DNAI3: variants seen among roughly 807,000 people sequenced by gnomAD.
DNAI3 encodes the protein WD repeat domain 63.
In DNAI3, 83 loss-of-function variants were observed where a neutral mutation model predicts 115.5. The ratio of observed to expected loss-of-function variants is 0.72; its 90% CI spans 0.60 to 0.86. The LOEUF is 0.86. Ranked by LOEUF, DNAI3 falls within the 40% of genes least tolerant of loss-of-function variation. DNAI3 has a pLI of 0.00. For missense variants in DNAI3, 1,004 were observed against 1,075.8 expected (o/e 0.93, Z 0.93); for synonymous variants, 320 against 347.0 (o/e 0.92, Z 0.86).
rs1485049001 is a variant in DNAI3, at chr1:85,095,915, G to T, written c.1174-16G>T. ...TCTTTTCTCATTCTTTCATGAATTT[G>T]CTGGGTTTACTTTAGTTAATGCTGG... On this transcript the variant is annotated splice_polypyrimidine_tract_variant and intron_variant, in intron 10 of 22. Coordinates refer to ENST00000294664, the MANE Select transcript of DNAI3 (RefSeq NM_145172.5). 1.5e-5 allele frequency: 24 copies of T among 1,607,424 alleles called. No individual in the cohort carries two copies. Among genetic ancestry groups the T allele is most frequent in the African/African-American group, 5.4e-5 (4 of 74,734 alleles).
chr1:85,096,073 A>G, intron 11 of DNAI3, 53 bp downstream of exon 11: 2 of 1,548,890 alleles, frequency 1.3e-6, no homozygotes, highest in Non-Finnish European at 1.8e-6. Flanking sequence ...ACCTTTGGTA[A>G]TAAGTTTTGA....
intron 1 of DNAI3, among the ~76,000 whole-genome samples, chr1:85,071,074 G>T (rs1291524202): frequency 5.9e-5 from 9 of 152,202 alleles, no homozygotes; most frequent in Admixed American, 5.9e-4. Context: ...TGATTGAGTT[G>T]ATTGATGACA....
intron 16 of DNAI3, 88 bp downstream of exon 16, chr1:85,110,223 G>C: frequency 8.5e-7 from 1 of 1,174,192 alleles, no homozygotes; most frequent in Non-Finnish European, 1.2e-6. Flanking sequence ...AGGCTGAGGC[G>C]GGCGGATCAC....
Position 85,109,524 on chromosome 1 carries a change from CTGAGGGAGCTG to C in DNAI3, c.1699-516_1699-506del, listed in dbSNP as rs111764967. On this transcript the variant is annotated intron_variant, in intron 15 of 22. Transcript: ENST00000294664. ...GACAAACATCCTGAAGGAGAAAGGG[CTGAGGGAGCTG>C]TGAGGGAAAACTGTGAAGTGTGACA... Among the ~76,000 whole-genome samples, 10 of 152,214 alleles carry C rather than the reference CTGAGGGAGCTG, an allele frequency of 6.6e-5. 2 individuals are homozygous for C. The highest frequency in any genetic ancestry group is 2.4e-4 in the African/African-American group (10 of 41,546).
chr1:85,073,014 T>A (rs757360761), intron 2 of DNAI3, 40 bp from the exon 3 acceptor site: 2 of 1,320,198 alleles, frequency 1.5e-6, no homozygotes, highest in Non-Finnish European at 2.1e-6. Flanking sequence ...ATGTATTTGA[T>A]TCAAAAATGT....
rs186083896 is a variant in DNAI3 at position 85,081,771 on chromosome 1, C to T, written c.285+356C>T. Among the ~76,000 whole-genome samples, 409 of 152,286 alleles carry T rather than the reference C, an allele frequency of 2.7e-3. 1 individual carries two copies. Among genetic ancestry groups the T allele is most frequent in the Non-Finnish European group, 4.3e-3 (294 of 68,026 alleles). ...CAAGCAATCCTCCCGTTTCAGCCTC[C>T]TGAGTAACTGGGACCACAGGCACAG... On this transcript the variant is annotated intron_variant, in intron 4 of 22. Coordinates refer to ENST00000294664, the MANE Select transcript of DNAI3 (RefSeq NM_145172.5).
intron 3 of DNAI3, among the ~76,000 whole-genome samples, chr1:85,080,645 A>G (rs1454656056): frequency 2.6e-5 from 4 of 152,226 alleles, no homozygotes; most frequent in Non-Finnish European, 5.9e-5. Context: ...GAAAAGTAAT[A>G]CAGGCTGAAA....
intron 13 of DNAI3, among the ~76,000 whole-genome samples, chr1:85,101,163 A>C (rs1655297772): frequency 6.6e-6 from 1 of 152,084 alleles, no homozygotes; most frequent in Admixed American, 6.6e-5. Context: ...CTTGAACATA[A>C]AAAAAAGAAT....
intron 22 of DNAI3, 130 bp downstream of exon 22, chr1:85,130,242 C>A: frequency 7.6e-7 from 1 of 1,307,478 alleles, no homozygotes; most frequent in Non-Finnish European, 1.1e-6. Context: ...TCATGAGAGT[C>A]AAGAGGGCAT....
Position 85,126,533 on chromosome 1 carries a change from G to T in DNAI3, c.2135G>T (p.Cys712Phe). 6.2e-7 allele frequency: 1 copy of T among 1,613,968 alleles called. No homozygotes were observed. The highest frequency in any genetic ancestry group is 1.1e-5 in the South Asian group (1 of 91,070). ...GVMTGPLLQS[C>F]CAPKRYTSGH... ...AAGACTGGACCGCTCCTTCAGTCATGCTGTGCACCAAAAAGGTACACCTCA... is the reference window on the plus strand; with the variant it reads ...AAGACTGGACCGCTCCTTCAGTCATTCTGTGCACCAAAAAGGTACACCTCA... Residue 712 changes from cysteine (C) to phenylalanine (F), a missense_variant, in exon 20 of 23, where the codon TGC becomes TTC. By Grantham distance (205) the Cys-to-Phe change is radical (BLOSUM62 -2). Transcript: ENST00000294664.
rs566244421 is a variant in DNAI3, at chr1:85,112,694, T to C, written c.1786+2559T>C. On this transcript the variant is annotated intron_variant, in intron 16 of 22. Coordinates refer to ENST00000294664, the MANE Select transcript of DNAI3 (RefSeq NM_145172.5). ...TTAAGTTGTCAAGCAAATTTTCGCATGTTTTTTGCCACCTGTATATCTTCC... is the reference window on the plus strand; with the variant it reads ...TTAAGTTGTCAAGCAAATTTTCGCACGTTTTTTGCCACCTGTATATCTTCC... 2.6e-5 allele frequency among the ~76,000 whole-genome samples: 4 copies of C among 152,336 alleles called. No individual in the cohort carries two copies. The South Asian group carries it at 8.3e-4, about 32-fold the overall frequency.
chr1:85,092,904 G>C (rs1255287094), intron 8 of DNAI3, among the ~76,000 whole-genome samples: 1 of 151,854 alleles, frequency 6.6e-6, no homozygotes, highest in East Asian at 1.9e-4. Flanking sequence ...TATGTATTGG[G>C]GCTATCCTGT....
intron 14 of DNAI3, among the ~76,000 whole-genome samples, chr1:85,106,397 A>G (rs1655491728): frequency 6.6e-6 from 1 of 152,238 alleles, no homozygotes; most frequent in Admixed American, 6.5e-5. Context: ...GAATATATAA[A>G]AGAACTCTTA....
intron 3 of DNAI3, among the ~76,000 whole-genome samples, chr1:85,079,715 T>G (rs1270658748): frequency 6.6e-6 from 1 of 152,082 alleles, no homozygotes; most frequent in Admixed American, 6.5e-5. Flanking sequence ...AAAATTCTCC[T>G]TTGTCCTCTA....
intron 15 of DNAI3, among the ~76,000 whole-genome samples, chr1:85,109,535 G>A (rs540487240): frequency 6.6e-6 from 1 of 152,256 alleles, no homozygotes; most frequent in East Asian, 1.9e-4. Context: ...TGAGGGAGCT[G>A]TGAGGGAAAA....
chr1:85,108,986 T>C (rs1655576380), intron 15 of DNAI3, among the ~76,000 whole-genome samples: 1 of 152,214 alleles, frequency 6.6e-6, no homozygotes, highest in Non-Finnish European at 1.5e-5. Flanking sequence ...GTAGCCAAAA[T>C]TCTGCCTATC....
intron 20 of DNAI3, 106 bp from the exon 21 acceptor site, chr1:85,128,602 C>A: frequency 1.2e-6 from 1 of 815,380 alleles, no homozygotes; most frequent in Non-Finnish European, 2.0e-6. Flanking sequence ...GGAACCACAG[C>A]AGGTCCTTTG....
intron 3 of DNAI3, among the ~76,000 whole-genome samples, chr1:85,075,432 C>A (rs1654419782): frequency 6.6e-6 from 1 of 151,932 alleles, no homozygotes; most frequent in Non-Finnish European, 1.5e-5. Context: ...AAGAAAAAAC[C>A]AACCTCAGAA....
chr1:85,130,448 G>C (rs1364007080), intron 22 of DNAI3, among the ~76,000 whole-genome samples: 1 of 152,098 alleles, frequency 6.6e-6, no homozygotes, highest in Non-Finnish European at 1.5e-5. Flanking sequence ...GTTGAATATG[G>C]AATCAAGACA....
Sources: gnomAD v4.1 joint callset for allele counts (sites outside exome capture counted in the v4.1 genomes callset) on GRCh38, gnomAD v4.1.1 for gene constraint, MANE v1.5 for transcripts, NCBI Gene and HGNC (gene_info 2026-07-23, HGNC 2026-07-21) for gene names.